Variants in FLT1 observed in about 807,000 individuals in gnomAD.
The protein encoded by FLT1 is fms related receptor tyrosine kinase 1, also known as vascular endothelial growth factor receptor 1.
In FLT1, 49 loss-of-function variants were observed where a neutral mutation model predicts 156.3. That is an observed-to-expected ratio of 0.31 (90% CI 0.25 to 0.40). FLT1 has a LOEUF of 0.40. Among genes scored for constraint, FLT1 ranks in the 10% least tolerant of loss-of-function variants. The pLI is 1.00. For missense variants in FLT1, 1,322 were observed against 1,637.2 expected, an observed-to-expected ratio of 0.81 and a Z score of 3.32; for synonymous variants, 594 against 583.8, an observed-to-expected ratio of 1.02 and a Z score of -0.25.
At chr13:28,327,836 C>T (rs887323948) in intron 19 of FLT1, among the ~76,000 whole-genome samples, 7 of 150,964 alleles carry the variant, frequency 4.6e-5, no homozygotes, top group Non-Finnish European at 8.8e-5. Context: ...GACAGAAATA[C>T]GTTTGAGGAG....
chr13:28,378,337 G>A (rs908827943), intron 14 of FLT1, among the ~76,000 whole-genome samples: 5 of 152,166 alleles, frequency 3.3e-5, no homozygotes, highest in African/African-American at 4.8e-5. Context: ...ATGAGCCAGC[G>A]TGCCTGACCG....
In FLT1 at chr13:28,438,438, C is replaced by G. The variant is rs556901542; in HGVS notation, c.389-93G>C. The G allele has an allele frequency of 3.2e-4, 301 of 941,456 alleles. No individual in the cohort carries two copies. The African/African-American group carries it at 4.6e-3, about 14-fold the overall frequency. 58.3% of individuals were successfully genotyped at this position (941,456 alleles called of 1,614,324 possible). ...GCTAGTGTGGTATGGTAGGCATTGC[C>G]ACAGTCACGTCATTCTCCCTTAATG... On this transcript the variant is annotated intron_variant, in intron 3 of 29. Coordinates refer to ENST00000282397, the MANE Select transcript of FLT1 (RefSeq NM_002019.4).
intron 12 of FLT1, chr13:28,396,705 A>G (rs1399983302): frequency 5.0e-6 from 3 of 596,168 alleles, no homozygotes; most frequent in Admixed American, 2.4e-5. Context: ...AGCATACAAG[A>G]TTCCCAATTC....
chr13:28,374,459 A>G (rs1873755053), intron 14 of FLT1, among the ~76,000 whole-genome samples: 1 of 151,922 alleles, frequency 6.6e-6, no homozygotes. Context: ...AAAAAACCCA[A>G]AAAAACCCTT....
intron 1 of FLT1, among the ~76,000 whole-genome samples, chr13:28,473,579 A>T (rs1032434608): frequency 6.6e-6 from 1 of 151,368 alleles, no homozygotes; most frequent in African/African-American, 2.4e-5. Context: ...CGGGAGGCGG[A>T]GATTGCAGTG....
intron 15 of FLT1, among the ~76,000 whole-genome samples, chr13:28,353,548 G>A (rs1243212171): frequency 6.7e-6 from 1 of 150,054 alleles, no homozygotes; most frequent in Non-Finnish European, 1.5e-5. Context: ...ACTCTAGCCT[G>A]GCTGACAGAC....
At chr13:28,387,145 C>G (rs77920963) in intron 13 of FLT1, 32,235 of 1,035,518 alleles carry the variant, frequency 0.031, 573 homozygotes, top group Non-Finnish European at 0.035. Context: ...ACACAAACTT[C>G]AGATGATAGA....
intron 1 of FLT1, among the ~76,000 whole-genome samples, chr13:28,487,550 C>T (rs535609163): frequency 5.9e-5 from 9 of 152,232 alleles, no homozygotes; most frequent in African/African-American, 1.9e-4. Flanking sequence ...CTGTGAGCAC[C>T]GTGATAATCT....
In FLT1 at chr13:28,444,884, A is replaced by G. The variant is rs118117789; in HGVS notation, c.389-6539T>C. ...GGGATGAAGCTAAAACAGTGTTTAG[A>G]GGGGAATTTATAGCTATAAATGCTT... On this transcript the variant is annotated intron_variant, in intron 3 of 29. Transcript: ENST00000282397. Among the ~76,000 whole-genome samples the G allele has an allele frequency of 9.5e-3, 1,440 of 152,264 alleles. 11 individuals carry two copies. The highest frequency in any genetic ancestry group is 0.016 in the Non-Finnish European group (1,076 of 68,004).
At chr13:28,315,513 G>A (rs1316114970) in intron 25 of FLT1, among the ~76,000 whole-genome samples, 3 of 152,132 alleles carry the variant, frequency 2.0e-5, no homozygotes, top group Admixed American at 6.5e-5. Flanking sequence ...CTGAGATCAC[G>A]CCACTGCACT....
chr13:28,399,168 T>A (rs1445361300), intron 11 of FLT1: 2 of 1,347,700 alleles, frequency 1.5e-6, no homozygotes, highest in South Asian at 1.3e-5. Context: ...CCTTACATTG[T>A]CTCAGGAAGC....
chr13:28,370,222 C>T (rs189089362), intron 14 of FLT1, among the ~76,000 whole-genome samples: 57 of 152,072 alleles, frequency 3.7e-4, no homozygotes, highest in African/African-American at 1.0e-3. Context: ...ATTCTTCTCA[C>T]TGTAACCTCT....
intron 15 of FLT1, among the ~76,000 whole-genome samples, chr13:28,350,611 G>T (rs1872708632): frequency 6.6e-6 from 1 of 152,066 alleles, no homozygotes; most frequent in Admixed American, 6.6e-5. Context: ...AGGCAGCAGA[G>T]CCAGCCAACT....
intron 1 of FLT1, among the ~76,000 whole-genome samples, chr13:28,473,737 G>A (rs527574135): frequency 0.013 from 735 of 57,166 alleles, 4 homozygotes; most frequent in Middle Eastern, 0.033. Flanking sequence ...AAAGAAGGAA[G>A]GAAGGAAGGA....
At chr13:28,485,160 A>G (rs1239787284) in intron 1 of FLT1, among the ~76,000 whole-genome samples, 1 of 152,196 alleles carries the variant, frequency 6.6e-6, no homozygotes, top group Non-Finnish European at 1.5e-5. Flanking sequence ...AATCAATTAC[A>G]TATATTGATT....
chr13:28,423,067 C>G (rs565485063), intron 10 of FLT1, among the ~76,000 whole-genome samples: 2 of 152,294 alleles, frequency 1.3e-5, no homozygotes, highest in South Asian at 4.1e-4. Flanking sequence ...GGAGCTCAGT[C>G]CTTGGGGGGT....
intron 12 of FLT1, among the ~76,000 whole-genome samples, chr13:28,395,867 A>C (rs1217581212): frequency 6.6e-6 from 1 of 152,238 alleles, no homozygotes; most frequent in African/African-American, 2.4e-5. Flanking sequence ...ACTGTTACAA[A>C]GTTATTGAAT....
chr13:28,388,937 G>A, intron 13 of FLT1: 1 of 1,064,778 alleles, frequency 9.4e-7, no homozygotes, highest in Non-Finnish European at 1.1e-6. Context: ...GTCAGAGACA[G>A]CAAGGAGCAA....
At chr13:28,455,903 C>G (rs1286826603) in intron 3 of FLT1, among the ~76,000 whole-genome samples, 1 of 152,132 alleles carries the variant, frequency 6.6e-6, no homozygotes, top group African/African-American at 2.4e-5. Context: ...AAAATGCAAA[C>G]TAAAATAACA....
Sources: gnomAD v4.1 joint callset for allele counts (sites outside exome capture counted in the v4.1 genomes callset) on GRCh38, gnomAD v4.1.1 for gene constraint, MANE v1.5 for transcripts, NCBI Gene and HGNC (gene_info 2026-07-23, HGNC 2026-07-21) for gene names.